PTGER3: variants seen among roughly 807,000 people sequenced by gnomAD.
The protein encoded by PTGER3 is prostaglandin E2 receptor EP3 subtype.
In PTGER3, 22 loss-of-function variants were observed where a neutral mutation model predicts 34.7. The ratio of observed to expected loss-of-function variants is 0.63; its 90% CI spans 0.45 to 0.91. The LOEUF (loss-of-function observed/expected upper bound fraction) is 0.91, where lower values mean the gene tolerates loss of function less well. PTGER3 is among the 40% of genes least tolerant of loss of function. The probability of loss-of-function intolerance (pLI) is 0.00; values close to 1 mark genes in which losing one functional copy is unlikely to be tolerated. For synonymous variants in PTGER3, 241 were observed against 230.1 expected, an observed-to-expected ratio of 1.05 and a Z score of -0.43; for missense variants, 468 against 519.4, an observed-to-expected ratio of 0.90 and a Z score of 0.96.
chr1:70,959,991 T>G (rs143918260), intron 2 of PTGER3, among the ~76,000 whole-genome samples: 109 of 152,272 alleles, frequency 7.2e-4, no homozygotes, highest in Admixed American at 1.2e-3. Context: ...ACTGGTGTTC[T>G]TTAAAAAGTG....
Position 70,971,441 on chromosome 1 carries a change from C to T in PTGER3, c.*289G>A. On this transcript the variant is annotated 3_prime_UTR_variant, in exon 4 of 4. Coordinates refer to ENST00000306666, the MANE Select transcript of PTGER3 (RefSeq NM_198719.2). ...TGGAGAAAACTCCTGGAACACAGGT[C>T]TTTCTTTTCATCACTTTTCCTCCAA... 9.0e-7 allele frequency: 1 copy of T among 1,117,046 alleles called. No individual in the cohort carries two copies. The highest frequency in any genetic ancestry group is 4.9e-5 in the East Asian group (1 of 20,390). The allele number at this position is 1,117,046 out of a possible 1,614,324, so 69.2% of individuals were successfully genotyped here. A position where few individuals can be genotyped will look rare whatever the true frequency, so the allele number is the denominator to read the frequency against.
chr1:70,997,734 C>T (rs915883207), intron 2 of PTGER3, among the ~76,000 whole-genome samples: 3 of 152,136 alleles, frequency 2.0e-5, no homozygotes, highest in Non-Finnish European at 4.4e-5. Flanking sequence ...ACACATAAAG[C>T]AGAATATAAG....
In PTGER3 at chr1:71,047,690, C is replaced by T. The variant is rs1252077600; in HGVS notation, c.-113G>A. On this transcript the variant is annotated 5_prime_UTR_variant, in exon 1 of 4. Transcript: ENST00000306666. ...TTTACCGCGGCTGGGGCTGGGCTGC[C>T]CCCCATGGTGCGGGGCGCAGCCGCC... The T allele has an allele frequency of 1.6e-6, 2 of 1,279,518 alleles. No homozygotes were observed. Among genetic ancestry groups the T allele is most frequent in the East Asian group, 2.8e-5 (1 of 35,834 alleles). The allele number at this position is 1,279,518 out of a possible 1,614,324, so 79.3% of individuals were successfully genotyped here.
downstream of PTGER3, chr1:70,951,621 T>C (rs1650768327): frequency 6.6e-6 from 1 of 152,156 alleles, no homozygotes; most frequent in Non-Finnish European, 1.5e-5. Flanking sequence ...ATAACAATAT[T>C]AACTGAGCAC....
At chr1:70,931,611 G>A (rs1465050495) in intron 4 of PTGER3, among the ~76,000 whole-genome samples, 2 of 152,316 alleles carry the variant, frequency 1.3e-5, no homozygotes, top group Non-Finnish European at 1.5e-5. Flanking sequence ...TCAGCACCAC[G>A]TGGAAGCTGC....
intron 1 of PTGER3, among the ~76,000 whole-genome samples, chr1:71,033,872 A>T (rs141004168): frequency 6.6e-6 from 1 of 152,278 alleles, no homozygotes; most frequent in East Asian, 1.9e-4. Context: ...TGCCGTGGTC[A>T]AGGTAATTTT....
intron 4 of PTGER3, among the ~76,000 whole-genome samples, chr1:70,856,346 A>C (rs1462393330): frequency 1.3e-5 from 2 of 151,910 alleles, no homozygotes; most frequent in Non-Finnish European, 2.9e-5. Context: ...AGGCTGAGGC[A>C]AGAGAATCAT....
intron 4 of PTGER3, among the ~76,000 whole-genome samples, chr1:70,911,620 GAA>G (rs1449193258): frequency 6.6e-6 from 1 of 152,140 alleles, no homozygotes; most frequent in Admixed American, 6.5e-5. Flanking sequence ...TAGGATGGCA[GAA>G]AGTGACGACA....
At chr1:71,035,192 C>T (rs930133615) in intron 1 of PTGER3, among the ~76,000 whole-genome samples, 56 of 152,172 alleles carry the variant, frequency 3.7e-4, no homozygotes, top group African/African-American at 1.4e-3. Flanking sequence ...TTATAATGCA[C>T]ACTCTCTTAT....
chr1:70,864,146 C>T (rs1204312043), intron 4 of PTGER3, among the ~76,000 whole-genome samples: 2 of 152,272 alleles, frequency 1.3e-5, no homozygotes, highest in East Asian at 3.9e-4. Flanking sequence ...GGGTCACTCT[C>T]CACCACAGCT....
intron 2 of PTGER3, chr1:71,006,733 C>T (rs1006943513): frequency 1.1e-5 from 11 of 985,098 alleles, no homozygotes; most frequent in Non-Finnish European, 1.2e-5. Context: ...TAGCATGGGG[C>T]TGTTGCATTA....
At chr1:70,946,888 T>C (rs1053469390) in intron 4 of PTGER3, among the ~76,000 whole-genome samples, 3 of 152,146 alleles carry the variant, frequency 2.0e-5, no homozygotes, top group Non-Finnish European at 4.4e-5. Context: ...TTATTTTCAC[T>C]GGTTGATTTG....
At chr1:70,924,773 T>C (rs181922429) in intron 4 of PTGER3, among the ~76,000 whole-genome samples, 2 of 152,246 alleles carry the variant, frequency 1.3e-5, no homozygotes, top group Admixed American at 1.3e-4. Flanking sequence ...GTAGCCATTC[T>C]TTTTTTCCTT....
chr1:70,930,527 A>G (rs1486061013), intron 4 of PTGER3, among the ~76,000 whole-genome samples: 1 of 152,176 alleles, frequency 6.6e-6, no homozygotes, highest in Non-Finnish European at 1.5e-5. Flanking sequence ...CTGCTGATAA[A>G]GACATACCTG....
intron 4 of PTGER3, among the ~76,000 whole-genome samples, chr1:70,888,298 G>A (rs1051954681): frequency 3.9e-5 from 6 of 152,140 alleles, no homozygotes; most frequent in African/African-American, 1.4e-4. Flanking sequence ...ATAGGCTTCT[G>A]GAGACAATTA....
chr1:71,044,115 C>T (rs887511583), intron 1 of PTGER3, among the ~76,000 whole-genome samples: 3 of 150,956 alleles, frequency 2.0e-5, no homozygotes, highest in South Asian at 2.1e-4. Flanking sequence ...TGCGCCCAGC[C>T]GATGGAACCA....
chr1:70,953,627 G>A (rs1010197736), intron 3 of PTGER3: 13 of 1,273,082 alleles, frequency 1.0e-5, no homozygotes, highest in Non-Finnish European at 1.4e-5. Flanking sequence ...GACTGGGATA[G>A]GTTCCTTCAC....
intron 4 of PTGER3, among the ~76,000 whole-genome samples, chr1:70,903,960 C>T (rs1219149400): frequency 6.6e-6 from 1 of 152,064 alleles, no homozygotes; most frequent in Non-Finnish European, 1.5e-5. Flanking sequence ...AGCCAAAACT[C>T]ATCTTGAATT....
chr1:71,040,172 G>GAGGGA (rs1047090352), intron 1 of PTGER3, among the ~76,000 whole-genome samples: 5 of 151,526 alleles, frequency 3.3e-5, no homozygotes, highest in Admixed American at 6.6e-5. Flanking sequence ...GAGAGGAGGA[G>GAGGGA]AGGGAAGGGA....
Sources: gnomAD v4.1 joint callset for allele counts (sites outside exome capture counted in the v4.1 genomes callset) on GRCh38, gnomAD v4.1.1 for gene constraint, MANE v1.5 for transcripts, NCBI Gene and HGNC (gene_info 2026-07-23, HGNC 2026-07-21) for gene names.